YIPF7: variants seen among roughly 807,000 people sequenced by gnomAD.
YIPF7 encodes the protein protein YIPF7.
Under a neutral mutation model 27.2 loss-of-function variants are expected in YIPF7, and 35 were observed. The ratio of observed to expected loss-of-function variants is 1.29; its 90% CI spans 0.98 to 1.70. The LOEUF (loss-of-function observed/expected upper bound fraction) is 1.70. Ranked by LOEUF, YIPF7 falls within the 40% of genes most tolerant of loss-of-function variation. The probability of loss-of-function intolerance (pLI) is 0.00; values close to 1 mark genes in which losing one functional copy is unlikely to be tolerated. For missense variants in YIPF7, 358 were observed against 303.7 expected, an observed-to-expected ratio of 1.18 and a Z score of -1.33; for synonymous variants, 137 against 110.4, an observed-to-expected ratio of 1.24 and a Z score of -1.51.
At chr4:44,642,519 A>T (rs1319061477) in intron 2 of YIPF7, among the ~76,000 whole-genome samples, 2 of 152,208 alleles carry the variant, frequency 1.3e-5, no homozygotes, top group Non-Finnish European at 2.9e-5. Context: ...TCACATTATT[A>T]GTCCAAAGTA....
At chr4:44,650,521 A>ACG (rs1221935357) in intron 1 of YIPF7, among the ~76,000 whole-genome samples, 6 of 151,168 alleles carry the variant, frequency 4.0e-5, no homozygotes, top group African/African-American at 1.2e-4. Context: ...ACACACACAC[A>ACG]CACACACACA....
chr4:44,626,388 G>T (rs541059483), intron 4 of YIPF7, among the ~76,000 whole-genome samples: 11 of 152,264 alleles, frequency 7.2e-5, no homozygotes, highest in Middle Eastern at 3.4e-3. Context: ...ATTTTACTTG[G>T]ATGGGATAAA....
chr4:44,637,145 C>T (rs906976842), intron 2 of YIPF7, among the ~76,000 whole-genome samples: 2 of 151,990 alleles, frequency 1.3e-5, no homozygotes, highest in Admixed American at 6.6e-5. Context: ...ATTCATTCAT[C>T]CATTGGTGGA....
intron 4 of YIPF7, among the ~76,000 whole-genome samples, chr4:44,628,629 T>C (rs1577733175): frequency 6.8e-6 from 1 of 146,990 alleles, no homozygotes; most frequent in African/African-American, 2.5e-5. Context: ...CTCCTTGGTA[T>C]AAAGTCAGAG....
At chr4:44,634,456 C>T (rs1683816461) in intron 3 of YIPF7, among the ~76,000 whole-genome samples, 1 of 151,932 alleles carries the variant, frequency 6.6e-6, no homozygotes. Context: ...CGCTTGAACC[C>T]GGGAGGCAGA....
In YIPF7 at chr4:44,650,384, C is replaced by T. The variant is rs550015566; in HGVS notation, c.-1-283G>A. On this transcript the variant is annotated intron_variant, in intron 1 of 5. Transcript: ENST00000415895. ...TAATTCATCTGAAAGAACTAATCTTCTCCAAATATCTTATTCTTAGTAATT... is the reference window on the plus strand; with the variant it reads ...TAATTCATCTGAAAGAACTAATCTTTTCCAAATATCTTATTCTTAGTAATT... 1.1e-4 allele frequency among the ~76,000 whole-genome samples: 16 copies of T among 152,286 alleles called. No individual in the cohort carries two copies. In the East Asian group the frequency reaches 2.9e-3, roughly 28 times the overall value.
At position 44,651,576 on chromosome 4, in the gene YIPF7, G is replaced by A; in HGVS notation, c.-24C>T. 6.3e-7 allele frequency: 1 copy of A among 1,584,480 alleles called. No individual in the cohort carries two copies. The highest frequency in any genetic ancestry group is 2.3e-5 in the East Asian group (1 of 44,106). ...TACCTCTGTTTATTTTTTATAGAAA[G>A]ATCCTCCAGTAAATGTAGCTTTGTG... On this transcript the variant is annotated 5_prime_UTR_variant, in exon 1 of 6. Transcript: ENST00000415895.
At chr4:44,647,796 T>A (rs1421510926) in intron 2 of YIPF7, among the ~76,000 whole-genome samples, 4 of 152,136 alleles carry the variant, frequency 2.6e-5, no homozygotes, top group Non-Finnish European at 5.9e-5. Context: ...GAGAGTCCAT[T>A]TTTTTCTGGG....
chr4:44,646,718 A>C (rs1008475549), intron 2 of YIPF7, among the ~76,000 whole-genome samples: 4 of 152,192 alleles, frequency 2.6e-5, no homozygotes, highest in Non-Finnish European at 5.9e-5. Flanking sequence ...TAGTGAGCAC[A>C]GTCACCCAGC....
chr4:44,631,414 C>T (rs1477855368), intron 3 of YIPF7, among the ~76,000 whole-genome samples: 1 of 151,988 alleles, frequency 6.6e-6, no homozygotes, highest in East Asian at 1.9e-4. Context: ...ATCTAAATAC[C>T]TTGAAAAGTT....
At chr4:44,634,469 T>G (rs1713034799) in intron 3 of YIPF7, among the ~76,000 whole-genome samples, 1 of 151,432 alleles carries the variant, frequency 6.6e-6, no homozygotes, top group Admixed American at 6.6e-5. Context: ...GAGGCAGAGG[T>G]TGCAGAGAGC....
intron 2 of YIPF7, among the ~76,000 whole-genome samples, chr4:44,658,828 T>C (rs548695857): frequency 6.6e-6 from 1 of 152,218 alleles, no homozygotes; most frequent in South Asian, 2.1e-4. Context: ...TTGAGATTTA[T>C]TCACTACCAT....
upstream of YIPF7, among the ~76,000 whole-genome samples, chr4:44,653,577 G>T (rs1237041749): frequency 6.6e-6 from 1 of 152,070 alleles, no homozygotes; most frequent in African/African-American, 2.4e-5. Flanking sequence ...CAACCAATAG[G>T]TAGAGTACTG....
chr4:44,637,077 GATTTT>G (rs1274306628), intron 2 of YIPF7, among the ~76,000 whole-genome samples: 1 of 152,066 alleles, frequency 6.6e-6, no homozygotes, highest in Non-Finnish European at 1.5e-5. Context: ...TAAATAACAT[GATTTT>G]ATTCTTTTCA....
chr4:44,630,101 T>C (rs904187597), intron 3 of YIPF7, among the ~76,000 whole-genome samples: 2 of 152,186 alleles, frequency 1.3e-5, no homozygotes, highest in Admixed American at 6.5e-5. Flanking sequence ...CTTGAGTAGC[T>C]GAGACTATAG....
chr4:44,654,782 A>G (rs1337672911), upstream of YIPF7, among the ~76,000 whole-genome samples: 1 of 151,996 alleles, frequency 6.6e-6, no homozygotes, highest in Non-Finnish European at 1.5e-5. Flanking sequence ...TCTCTTAAAT[A>G]TATCTCTCAC....
rs187725286 is a variant in YIPF7, at chr4:44,649,671, T to A, written c.116+314A>T. 2.7e-5 allele frequency among the ~76,000 whole-genome samples: 4 copies of A among 150,866 alleles called. No individual in the cohort carries two copies. In the East Asian group the frequency reaches 7.8e-4, roughly 30 times the overall value. On this transcript the variant is annotated intron_variant, in intron 2 of 5. Transcript: ENST00000415895. ...GCACACGCCTATAATCCTAGCTACA[T>A]GCGAGGCTGAGGCACAGAATCGCTT... is the stretch of plus-strand genomic sequence containing the variant.
chr4:44,636,082 T>C lies in YIPF7; in HGVS notation c.120A>G (p.Gln40=), dbSNP rs1351107594. Residue 40 remains glutamine, a synonymous_variant, in exon 3 of 6, where the codon CAA becomes CAG. Coordinates refer to ENST00000415895, the MANE Select transcript of YIPF7 (RefSeq NM_182592.3). ...CAGGCTGAGGCTGCTCACCAGCTTG[T>C]TGTCTAGAAAAAGAAAAATACAAAC... ...AYGNLYGSRK[Q]QAGEQPQPAS... 4.4e-6 allele frequency: 7 copies of C among 1,601,392 alleles called. No homozygotes were observed. The highest frequency in any genetic ancestry group is 1.1e-5 in the South Asian group (1 of 89,562).
chr4:44,624,499 C>T, intron 5 of YIPF7, 102 bp downstream of exon 5: 6 of 1,300,856 alleles, frequency 4.6e-6, no homozygotes, highest in Non-Finnish European at 6.1e-6. Flanking sequence ...TTTCCCAGTT[C>T]CACTACCAAA....
Sources: gnomAD v4.1 joint callset for allele counts (sites outside exome capture counted in the v4.1 genomes callset) on GRCh38, gnomAD v4.1.1 for gene constraint, MANE v1.5 for transcripts, NCBI Gene and HGNC (gene_info 2026-07-23, HGNC 2026-07-21) for gene names.